PPP2R1A: variants seen among roughly 807,000 people sequenced by gnomAD.
The protein encoded by PPP2R1A is protein phosphatase 2 scaffold subunit Aalpha, also known as serine/threonine-protein phosphatase 2A 65 kDa regulatory subunit A alpha isoform.
PPP2R1A carries 15 observed loss-of-function variants against 67.1 expected under a neutral mutation model. That is an observed-to-expected ratio of 0.22 (90% CI 0.15 to 0.34). The LOEUF (loss-of-function observed/expected upper bound fraction) is 0.34, where lower values mean the gene tolerates loss of function less well. PPP2R1A is among the 10% of genes least tolerant of loss of function. PPP2R1A has a pLI of 1.00. For missense variants in PPP2R1A, 369 were observed against 775.0 expected, an observed-to-expected ratio of 0.48 and a Z score of 6.22; for synonymous variants, 337 against 325.0, an observed-to-expected ratio of 1.04 and a Z score of -0.40.
chr19:52,205,938 C>T (rs1390848181), intron 2 of PPP2R1A, 25 bp from the exon 3 acceptor site: 1 of 1,591,780 alleles, frequency 6.3e-7, no homozygotes. Context: ...ATGGGATAGT[C>T]ACGAAGTCTG....
chr19:52,222,458 G>A, intron 13 of PPP2R1A: 1 of 540,510 alleles, frequency 1.9e-6, no homozygotes, highest in Non-Finnish European at 3.0e-6. Context: ...TGGCAGTCCT[G>A]TATACTAGCA....
In PPP2R1A at chr19:52,219,673, C is replaced by G; in HGVS notation, c.1129-18C>G. On this transcript the variant is annotated intron_variant, in intron 9 of 14. Transcript: ENST00000322088. The surrounding 1 kb of genome is among the most constrained non-coding windows in gnomAD (Gnocchi z 4.0). ...GTGTGCATTGCATTCTCTCAGAATC[C>G]TTCTTTCCTCTCCTCAGTGCCCTGA... The G allele has an allele frequency of 1.3e-6, 2 of 1,599,776 alleles. No homozygotes were observed. The highest frequency in any genetic ancestry group is 1.7e-6 in the Non-Finnish European group (2 of 1,169,802).
At position 52,216,080 on chromosome 19, in the gene PPP2R1A, A is replaced by C. The variant is rs764232410; in HGVS notation, c.993+6A>C. On this transcript the variant is annotated splice_donor_region_variant and intron_variant, in intron 8 of 14. Coordinates refer to ENST00000322088, the MANE Select transcript of PPP2R1A (RefSeq NM_014225.6). This position sits in a 1 kb window ranked among gnomAD's most constrained non-coding sequence, Gnocchi z 4.3. ...AGATCTTGCCCTGCATCAAGGTAACAGAGAGTTTGATGGGAGGAACCAAGT... is the reference window on the plus strand; with the variant it reads ...AGATCTTGCCCTGCATCAAGGTAACCGAGAGTTTGATGGGAGGAACCAAGT... 1 of 1,611,232 alleles carries C rather than the reference A, an allele frequency of 6.2e-7. No homozygotes were observed. Among genetic ancestry groups the C allele is most frequent in the South Asian group, 1.1e-5 (1 of 91,022 alleles).
At position 52,219,762 on chromosome 19, in the gene PPP2R1A, G is replaced by A. The variant is rs748379874; in HGVS notation, c.1200G>A (p.Leu400=). Residue 400 remains leucine (L), a synonymous_variant, in exon 10 of 15, where the codon CTG becomes CTA. Transcript: ENST00000322088. The surrounding 1 kb of genome is among the most constrained non-coding windows in gnomAD (Gnocchi z 4.0). ...CVNEVIGIRQ[L]SQSLLPAIVE... is the part of the protein sequence containing the mutation. The stretch of plus-strand genomic sequence containing the variant: ...ACGAGGTGATTGGCATCCGGCAGCT[G>A]TCCCAGTCCCTGCTCCCTGCCATTG... The A allele has an allele frequency of 6.8e-6, 11 of 1,613,992 alleles. No homozygotes were observed. In the South Asian group the frequency reaches 9.9e-5, roughly 14 times the overall value.
At chr19:52,190,324 A>T in intron 1 of PPP2R1A, 150 bp downstream of exon 1, 5 of 891,880 alleles carry the variant, frequency 5.6e-6, no homozygotes, top group Non-Finnish European at 8.6e-6. Context: ...GGTTGCCCGG[A>T]CTCCTTGAGA....
intron 1 of PPP2R1A, among the ~76,000 whole-genome samples, chr19:52,197,395 C>G (rs1476374399): frequency 6.6e-6 from 1 of 152,032 alleles, no homozygotes; most frequent in Non-Finnish European, 1.5e-5. Context: ...CCAAAAAAAG[C>G]CGGGTGCAGT....
rs1979372839 is a variant in PPP2R1A, at chr19:52,228,168, G to C, written c.*2187G>C. On this transcript the variant is annotated 3_prime_UTR_variant, in exon 15 of 15. Coordinates refer to ENST00000322088, the MANE Select transcript of PPP2R1A (RefSeq NM_014225.6). The stretch of plus-strand genomic sequence containing the variant: ...AGACAAGGCTCAGGGATATGTTGAG[G>C]CTGCTAGATTGGGCAAGTGATGGAA... 1.3e-5 allele frequency: 2 copies of C among 152,412 alleles called. No individual in the cohort carries two copies. Among genetic ancestry groups the C allele is most frequent in the Non-Finnish European group, 2.9e-5 (2 of 68,168 alleles). The allele number at this position is 152,412 out of a possible 1,614,324, so 9.4% of individuals were successfully genotyped here. A position where few individuals can be genotyped will look rare whatever the true frequency, so the allele number is the denominator to read the frequency against.
chr19:52,210,984 T>A (rs1320766391), intron 3 of PPP2R1A, among the ~76,000 whole-genome samples: 1 of 152,156 alleles, frequency 6.6e-6, no homozygotes. Context: ...AATTTTAAGG[T>A]TTATGGACCC....
At chr19:52,201,568 T>C (rs1472208015) in intron 1 of PPP2R1A, 6 of 186,018 alleles carry the variant, frequency 3.2e-5, no homozygotes, top group Non-Finnish European at 2.3e-5. Flanking sequence ...GTTATAAACG[T>C]GGCTGCTGCT....
At chr19:52,204,773 A>G (rs1056121140) in intron 2 of PPP2R1A, among the ~76,000 whole-genome samples, 1 of 152,168 alleles carries the variant, frequency 6.6e-6, no homozygotes, top group South Asian at 2.1e-4. Flanking sequence ...TATTTATTGA[A>G]GGAAGAGGCA....
intron 1 of PPP2R1A, among the ~76,000 whole-genome samples, chr19:52,194,064 T>G (rs1600156422): frequency 8.8e-6 from 1 of 113,886 alleles, no homozygotes; most frequent in South Asian, 2.8e-4. Context: ...GGTGAGAGCC[T>G]GGGCGACAGC....
intron 1 of PPP2R1A, chr19:52,200,272 A>C (rs1237313497): frequency 6.6e-6 from 1 of 151,962 alleles, no homozygotes; most frequent in Non-Finnish European, 1.5e-5. Context: ...TTCTTGTGAC[A>C]GTGCTGGGAG....
chr19:52,224,153 G>A (rs902705536), intron 13 of PPP2R1A, among the ~76,000 whole-genome samples: 4 of 152,182 alleles, frequency 2.6e-5, no homozygotes, highest in Non-Finnish European at 5.9e-5. Context: ...TGAAGGAATC[G>A]AGATGATGGA....
intron 13 of PPP2R1A, among the ~76,000 whole-genome samples, chr19:52,223,616 C>T (rs1028475178): frequency 6.6e-6 from 1 of 152,182 alleles, no homozygotes; most frequent in Non-Finnish European, 1.5e-5. Context: ...CAAGGGTGTT[C>T]AGCATCATTA....
intron 9 of PPP2R1A, among the ~76,000 whole-genome samples, chr19:52,217,875 T>C (rs922598837): frequency 6.6e-6 from 1 of 151,906 alleles, no homozygotes; most frequent in African/African-American, 2.4e-5. Context: ...GAGTTTGGAC[T>C]TGACTGTGGG....
chr19:52,225,630 C>T (rs2122381197), intron 13 of PPP2R1A, 87 bp from the exon 14 acceptor site: 2 of 1,227,950 alleles, frequency 1.6e-6, no homozygotes, highest in South Asian at 2.5e-5. Context: ...TCTGTGTACA[C>T]TCTCTTGCCC....
chr19:52,218,695 A>T (rs887974834), intron 9 of PPP2R1A, among the ~76,000 whole-genome samples: 2 of 152,112 alleles, frequency 1.3e-5, no homozygotes, highest in African/African-American at 4.8e-5. Context: ...CTGCTATGTC[A>T]TTTCACACCT....
At position 52,226,008 on chromosome 19, in the gene PPP2R1A, T is replaced by C. The variant is rs1006298264; in HGVS notation, c.*27T>C. 4 of 1,614,096 alleles carry C rather than the reference T, an allele frequency of 2.5e-6. No homozygotes were observed. In the African/African-American group the frequency reaches 5.3e-5, roughly 22 times the overall value. The stretch of plus-strand genomic sequence containing the variant: ...GCTGGAAGAGGAGCAAACACTGGCC[T>C]CTGGTGTCCACCCTCCAACCCCCAC... On this transcript the variant is annotated 3_prime_UTR_variant, in exon 15 of 15. Coordinates refer to ENST00000322088, the MANE Select transcript of PPP2R1A (RefSeq NM_014225.6).
chr19:52,211,224 AG>A lies in PPP2R1A; in HGVS notation c.271-33del. ...GGCTCCAGGGCTGCGGATGGTGGAGAGGGAGCTGTCCAGTGACTTTGTGTTC... is the reference window on the plus strand; with the variant it reads ...GGCTCCAGGGCTGCGGATGGTGGAGAGGAGCTGTCCAGTGACTTTGTGTTC... On this transcript the variant is annotated intron_variant, in intron 3 of 14. Transcript: ENST00000322088. This position sits in a 1 kb window ranked among gnomAD's most constrained non-coding sequence, Gnocchi z 5.3. 6.3e-7 allele frequency: 1 copy of A among 1,593,074 alleles called. No individual in the cohort carries two copies. Among genetic ancestry groups the A allele is most frequent in the Non-Finnish European group, 8.6e-7 (1 of 1,167,446 alleles).
Sources: allele counts gnomAD v4.1 joint callset (sites outside exome capture counted in the v4.1 genomes callset), GRCh38; gene constraint gnomAD v4.1.1; non-coding constraint Gnocchi (gnomAD v3.1); transcripts MANE v1.5; gene names NCBI Gene and HGNC (gene_info 2026-07-23, HGNC 2026-07-21).